Variants in ASCC3 observed in about 807,000 individuals in gnomAD.
ASCC3 encodes ASC-1 complex subunit P200.
Under a neutral mutation model 256.3 loss-of-function variants are expected in ASCC3, and 158 were observed. The observed-to-expected ratio is 0.62, with a 90% CI of 0.54 to 0.70. The LOEUF is 0.70. Among genes scored for constraint, ASCC3 ranks in the 30% least tolerant of loss-of-function variants. The probability of loss-of-function intolerance (pLI) is 0.00; values close to 1 mark genes in which losing one functional copy is unlikely to be tolerated. For synonymous variants in ASCC3, 948 were observed against 883.4 expected, an observed-to-expected ratio of 1.07 and a Z score of -1.30; for missense variants, 2,259 against 2,626.0, an observed-to-expected ratio of 0.86 and a Z score of 3.05.
At chr6:100,611,866 TA>T (rs34931211) in intron 30 of ASCC3, among the ~76,000 whole-genome samples, 67,796 of 148,840 alleles carry the variant, frequency 0.46, 15,932 homozygotes, top group East Asian at 0.68. Context: ...GCTATAGAAT[TA>T]AAAAAAAAAA....
rs1772483971 is a variant in ASCC3, at chr6:100,848,306, C to T, written c.643G>A (p.Val215Met). The T allele has an allele frequency of 1.2e-6, 2 of 1,613,948 alleles. No individual in the cohort carries two copies. Among genetic ancestry groups the T allele is most frequent in the Non-Finnish European group, 1.7e-6 (2 of 1,179,998 alleles). The change falls in exon 4 of 42, where the codon GTG (valine) becomes ATG (methionine). Residue 215 changes from valine (V) to methionine (M), a missense_variant. By Grantham distance (21) the Val-to-Met change is conservative. Transcript: ENST00000369162. The part of the protein sequence containing the change: ...QEACTPELKP[V>M]EKTNGSFLWC... The stretch of plus-strand genomic sequence containing the variant: ...AAAAAGGAGCCATTTGTTTTTTCCA[C>T]AGGCTTGAGTTCTGGGGTGCAAGCC...
chr6:100,767,463 C>T, intron 8 of ASCC3, 118 bp from the exon 9 acceptor site: 1 of 1,021,892 alleles, frequency 9.8e-7, no homozygotes, highest in African/African-American at 1.6e-5. Context: ...TTTGTACTTT[C>T]ACAATGTGTC....
chr6:100,526,686 C>T (rs1269932587), intron 37 of ASCC3, among the ~76,000 whole-genome samples: 1 of 152,128 alleles, frequency 6.6e-6, no homozygotes, highest in African/African-American at 2.4e-5. Context: ...TAGCTTTGAC[C>T]ATCTAGGACT....
At chr6:100,557,302 T>C (rs1216800345) in intron 36 of ASCC3, among the ~76,000 whole-genome samples, 1 of 152,184 alleles carries the variant, frequency 6.6e-6, no homozygotes, top group African/African-American at 2.4e-5. Context: ...TCCCTTTAAG[T>C]ATGCTTTAGC....
intron 14 of ASCC3, among the ~76,000 whole-genome samples, chr6:100,665,957 T>C (rs1776452394): frequency 6.6e-6 from 1 of 152,140 alleles, no homozygotes; most frequent in Admixed American, 6.6e-5. Flanking sequence ...AACCCCCTCA[T>C]GCTATTTCTT....
At position 100,832,001 on chromosome 6, in the gene ASCC3, G is replaced by A. The variant is rs574363048; in HGVS notation, c.801+16147C>T. Among the ~76,000 whole-genome samples the A allele has an allele frequency of 5.3e-5, 8 of 152,114 alleles. No individual in the cohort carries two copies. In the South Asian group the frequency reaches 1.5e-3, roughly 28 times the overall value. ...GGAAATAGTACAAAGAATTCACCTC[G>A]AATGCAAGACAGAAGTAAATAGATT... On this transcript the variant is annotated intron_variant, in intron 4 of 41. Coordinates refer to ENST00000369162, the MANE Select transcript of ASCC3 (RefSeq NM_006828.4).
In ASCC3 at chr6:100,662,492, A is replaced by G. The variant is rs778883067; in HGVS notation, c.2331T>C (p.Asp777=). The change falls in exon 15 of 42, where the codon GAT becomes GAC. Residue 777 remains aspartate (D), a synonymous_variant. Coordinates refer to ENST00000369162, the MANE Select transcript of ASCC3 (RefSeq NM_006828.4). The part of the protein sequence containing the change: ...RNKQVRELFP[D]GFSIHHAGML... Reference sequence around the variant, plus strand: ...TTCCTGCATGATGAATACTAAAACCATCTGGGAATAATTCTCGTACTTGCT... The same window carrying G: ...TTCCTGCATGATGAATACTAAAACCGTCTGGGAATAATTCTCGTACTTGCT... 6.2e-7 allele frequency: 1 copy of G among 1,613,192 alleles called. No homozygotes were observed. The highest frequency in any genetic ancestry group is 8.5e-7 in the Non-Finnish European group (1 of 1,179,408).
At chr6:100,596,673 C>G (rs1772317322) in intron 34 of ASCC3, among the ~76,000 whole-genome samples, 1 of 152,102 alleles carries the variant, frequency 6.6e-6, no homozygotes, top group Admixed American at 6.6e-5. Flanking sequence ...TAAATTTCAG[C>G]TTTTCTATGT....
In ASCC3 at chr6:100,606,827, C is replaced by T. The variant is rs764637600; in HGVS notation, c.4957G>A (p.Val1653Ile). Residue 1653 changes from valine to isoleucine, a missense_variant, in exon 32 of 42, where the codon GTA (valine) becomes ATA (isoleucine). This residue lies in a region of ASCC3 where 1,839 missense variants were observed against 2,206.7 expected (regional missense o/e 0.83). Coordinates refer to ENST00000369162, the MANE Select transcript of ASCC3 (RefSeq NM_006828.4). Reference sequence around the variant, plus strand: ...ATTACTAAATGAGCTGGAAAGTTTACACCCCAGGCTAATGTGCTTGTAGCA... The same window carrying T: ...ATTACTAAATGAGCTGGAAAGTTTATACCCCAGGCTAATGTGCTTGTAGCA... ...LIATSTLAWG[V>I]NFPAHLVIIK... 15 of 1,612,196 alleles carry T rather than the reference C, an allele frequency of 9.3e-6. No homozygotes were observed. In the South Asian group the frequency reaches 1.5e-4, roughly 17 times the overall value.
At chr6:100,618,034 T>C (rs1773757191) in intron 30 of ASCC3, among the ~76,000 whole-genome samples, 1 of 152,242 alleles carries the variant, frequency 6.6e-6, no homozygotes, top group Non-Finnish European at 1.5e-5. Context: ...AACTAACATG[T>C]CCAAAATATA....
At chr6:100,822,317 A>C (rs988630770) in intron 4 of ASCC3, among the ~76,000 whole-genome samples, 2 of 152,120 alleles carry the variant, frequency 1.3e-5, no homozygotes, top group Non-Finnish European at 2.9e-5. Context: ...CAGGCAGATC[A>C]CTTGAGCTCA....
chr6:100,760,063 T>C (rs1332128645), intron 10 of ASCC3, among the ~76,000 whole-genome samples: 3 of 152,150 alleles, frequency 2.0e-5, no homozygotes, highest in East Asian at 1.9e-4. Flanking sequence ...GCTGAGCTGA[T>C]AGTGTTTTCT....
chr6:100,876,764 A>G (rs939357046), intron 1 of ASCC3, among the ~76,000 whole-genome samples: 1 of 152,210 alleles, frequency 6.6e-6, no homozygotes, highest in African/African-American at 2.4e-5. Flanking sequence ...CAGAACAAAT[A>G]TAATTTCTAA....
chr6:100,544,864 A>G (rs1444683027), intron 36 of ASCC3, among the ~76,000 whole-genome samples: 3 of 152,206 alleles, frequency 2.0e-5, no homozygotes, highest in Non-Finnish European at 4.4e-5. Context: ...ACATTAAAGG[A>G]CAAGAAAACC....
At chr6:100,858,686 T>TTTGACAGTACATTTTAATC in intron 3 of ASCC3, 1 of 1,010,688 alleles carries the variant, frequency 9.9e-7, no homozygotes, top group East Asian at 9.5e-5. Flanking sequence ...TGCTGACACA[T>TTTGACAGTACATTTTAATC]TTGACAGTAC....
At chr6:100,790,530 T>G (rs1359032326) in intron 8 of ASCC3, among the ~76,000 whole-genome samples, 2 of 152,042 alleles carry the variant, frequency 1.3e-5, no homozygotes, top group African/African-American at 2.4e-5. Context: ...AATATTTCTG[T>G]GTGTTGTTGT....
intron 20 of ASCC3, among the ~76,000 whole-genome samples, chr6:100,650,296 C>T (rs530790997): frequency 2.3e-4 from 35 of 151,474 alleles, no homozygotes; most frequent in Non-Finnish European, 4.1e-4. Context: ...CATTTTAAAA[C>T]TTTGTAAGAA....
rs1488657025 is a variant in ASCC3, at chr6:100,741,232, T to C, written c.1738-15529A>G. Among the ~76,000 whole-genome samples the C allele has an allele frequency of 2.6e-5, 4 of 152,254 alleles. No homozygotes were observed. In the South Asian group the frequency reaches 6.2e-4, roughly 24 times the overall value. On this transcript the variant is annotated intron_variant, in intron 10 of 41. Transcript: ENST00000369162. ...TGCACAATCTCTTCTAGCTTGTAGGTTTTCTACTAAGAGGTCTGCTGTTAG... is the reference window on the plus strand; with the variant it reads ...TGCACAATCTCTTCTAGCTTGTAGGCTTTCTACTAAGAGGTCTGCTGTTAG...
intron 1 of ASCC3, among the ~76,000 whole-genome samples, chr6:100,878,097 G>A (rs1769078016): frequency 6.6e-6 from 1 of 152,134 alleles, no homozygotes; most frequent in Non-Finnish European, 1.5e-5. Flanking sequence ...CACCTAACAA[G>A]TTCACTTTAG....
Sources: gnomAD v4.1 joint callset for allele counts (sites outside exome capture counted in the v4.1 genomes callset) on GRCh38, gnomAD v4.1.1 for gene constraint, gnomAD v4.1.1 regional missense constraint, MANE v1.5 for transcripts, NCBI Gene and HGNC (gene_info 2026-07-23, HGNC 2026-07-21) for gene names.